Variants in LYPD6 observed in about 807,000 individuals in gnomAD.
LYPD6 encodes ly6/PLAUR domain-containing protein 6.
A neutral mutation model predicts 22.7 loss-of-function variants in LYPD6; 15 were observed. The observed-to-expected ratio is 0.66, with a 90% CI of 0.44 to 1.02. The LOEUF is 1.02. Among genes scored for constraint, LYPD6 ranks in the 50% least tolerant of loss-of-function variants. The pLI is 0.00. For synonymous variants in LYPD6, 72 were observed against 77.5 expected (o/e 0.93, Z 0.37); for missense variants, 189 against 208.4 (o/e 0.91, Z 0.57).
intron 1 of LYPD6, among the ~76,000 whole-genome samples, chr2:149,352,123 A>C (rs1002621891): frequency 3.9e-5 from 6 of 152,074 alleles, no homozygotes; most frequent in African/African-American, 1.4e-4. Flanking sequence ...TTGCCATCTA[A>C]ATGAGGAGGA....
At chr2:149,476,994 G>A (rs1681458332), downstream of LYPD6, among the ~76,000 whole-genome samples, 1 of 152,194 alleles carries the variant, frequency 6.6e-6, no homozygotes, top group Admixed American at 6.5e-5. Flanking sequence ...TGGCACTGAG[G>A]TGCGTTGGGT....
At chr2:149,422,160 G>A (rs1029993359) in intron 1 of LYPD6, among the ~76,000 whole-genome samples, 1 of 152,184 alleles carries the variant, frequency 6.6e-6, no homozygotes, top group East Asian at 1.9e-4. Flanking sequence ...GACTATGTTA[G>A]CTAGCAAGCA....
At chr2:149,468,869 G>A (rs970631808) in intron 4 of LYPD6, 94 bp downstream of exon 4, 49 of 1,316,472 alleles carry the variant, frequency 3.7e-5, no homozygotes, top group African/African-American at 1.3e-4. Context: ...TTACTCCCCC[G>A]TGAAGGCTGT....
chr2:149,438,544 T>C (rs146662962), intron 2 of LYPD6, among the ~76,000 whole-genome samples: 50 of 152,370 alleles, frequency 3.3e-4, no homozygotes, highest in African/African-American at 1.1e-3. Flanking sequence ...GCTGGTTGTA[T>C]TGTGTATATT....
At chr2:149,485,989 G>T in the LYPD6 span, among the ~76,000 whole-genome samples, 2 of 152,110 alleles carry the variant, frequency 1.3e-5, no homozygotes, top group South Asian at 4.1e-4. Flanking sequence ...CATCCTAATA[G>T]TTTGTAGTGT....
intron 1 of LYPD6, among the ~76,000 whole-genome samples, chr2:149,343,154 C>G (rs984437828): frequency 6.6e-6 from 1 of 152,090 alleles, no homozygotes; most frequent in African/African-American, 2.4e-5. Flanking sequence ...GAGAAGCAAG[C>G]AGACTCATTT....
At chr2:149,397,527 A>T (rs949460352) in intron 1 of LYPD6, among the ~76,000 whole-genome samples, 1 of 152,210 alleles carries the variant, frequency 6.6e-6, no homozygotes, top group Non-Finnish European at 1.5e-5. Context: ...TGGCACAAGT[A>T]GAGAGGGAGG....
intron 1 of LYPD6, among the ~76,000 whole-genome samples, chr2:149,377,828 C>T (rs994890568): frequency 7.3e-6 from 1 of 136,550 alleles, no homozygotes; most frequent in Non-Finnish European, 1.5e-5. Context: ...TGTTAGGGCA[C>T]CTCTGATCCT....
At chr2:149,346,509 G>A (rs1681258890) in intron 1 of LYPD6, among the ~76,000 whole-genome samples, 1 of 152,106 alleles carries the variant, frequency 6.6e-6, no homozygotes, top group Admixed American at 6.5e-5. Flanking sequence ...AACATTTTAT[G>A]GATGGAGGAT....
At chr2:149,431,789 T>G (rs1180659306) in intron 1 of LYPD6, among the ~76,000 whole-genome samples, 1 of 152,152 alleles carries the variant, frequency 6.6e-6, no homozygotes, top group Non-Finnish European at 1.5e-5. Flanking sequence ...ATTAAAAACT[T>G]TTGTAGATCA....
intron 1 of LYPD6, among the ~76,000 whole-genome samples, chr2:149,354,829 C>T (rs17432754): frequency 0.28 from 42,529 of 152,014 alleles, 7,326 homozygotes; most frequent in Non-Finnish European, 0.4. Flanking sequence ...CTAACCTTGG[C>T]GATATTGGCT....
At chr2:149,380,135 T>C (rs561775297) in intron 1 of LYPD6, among the ~76,000 whole-genome samples, 4 of 152,254 alleles carry the variant, frequency 2.6e-5, no homozygotes, top group African/African-American at 9.6e-5. Flanking sequence ...CAGGAGCTAG[T>C]TGGCAAGTGT....
the LYPD6 span, among the ~76,000 whole-genome samples, chr2:149,480,436 A>G: frequency 6.6e-6 from 1 of 151,968 alleles, no homozygotes; most frequent in Admixed American, 6.6e-5. Flanking sequence ...TATACCCTCC[A>G]TATCTCAGCT....
the LYPD6 span, among the ~76,000 whole-genome samples, chr2:149,485,014 C>T: frequency 1.3e-5 from 2 of 152,140 alleles, no homozygotes; most frequent in Non-Finnish European, 1.5e-5. Flanking sequence ...ATCTGATATC[C>T]AGCCACAGTG....
chr2:149,372,003 T>C (rs1681820907), intron 1 of LYPD6, among the ~76,000 whole-genome samples: 1 of 152,136 alleles, frequency 6.6e-6, no homozygotes, highest in South Asian at 2.1e-4. Context: ...CTCTTTGACC[T>C]TCAGGTGGCA....
At chr2:149,396,410 A>G (rs377297017) in intron 1 of LYPD6, among the ~76,000 whole-genome samples, 2 of 151,722 alleles carry the variant, frequency 1.3e-5, no homozygotes, top group East Asian at 1.9e-4. Flanking sequence ...CCTAATGCCT[A>G]TGTTTTCTTT....
chr2:149,359,469 A>C (rs1481607439), intron 1 of LYPD6, among the ~76,000 whole-genome samples: 1 of 152,262 alleles, frequency 6.6e-6, no homozygotes, highest in Admixed American at 6.5e-5. Context: ...ACTGAGGAGA[A>C]AATAGTGTCT....
At chr2:149,387,894 G>A (rs1480770803) in intron 1 of LYPD6, among the ~76,000 whole-genome samples, 1 of 152,172 alleles carries the variant, frequency 6.6e-6, no homozygotes, top group Non-Finnish European at 1.5e-5. Context: ...TATGGAAGGT[G>A]GGGTCTACAT....
intron 4 of LYPD6, 111 bp from the exon 5 acceptor site, chr2:149,470,572 T>A: frequency 1.2e-6 from 1 of 845,484 alleles, no homozygotes; most frequent in South Asian, 1.6e-5. Context: ...CTTTATAGAT[T>A]AGGTAATTTT....
Sources: allele counts gnomAD v4.1 joint callset (sites outside exome capture counted in the v4.1 genomes callset), GRCh38; gene constraint gnomAD v4.1.1; transcripts MANE v1.5; gene names NCBI Gene and HGNC (gene_info 2026-07-23, HGNC 2026-07-21).